Variants in DLG2 observed in about 807,000 individuals in gnomAD.
DLG2 encodes discs large MAGUK scaffold protein 2.
In DLG2, 45 loss-of-function variants were observed where a neutral mutation model predicts 132.5. The observed-to-expected ratio is 0.34, with a 90% CI of 0.27 to 0.44. DLG2 has a LOEUF of 0.44. Among genes scored for constraint, DLG2 ranks in the 20% least tolerant of loss-of-function variants. The pLI is 1.00. For missense variants in DLG2, 1,045 were observed against 1,196.9 expected (o/e 0.87, Z 1.87); for synonymous variants, 424 against 419.6 (o/e 1.01, Z -0.13).
At chr11:83,961,962 GA>G (rs1197394055) in intron 14 of DLG2, among the ~76,000 whole-genome samples, 1 of 151,982 alleles carries the variant, frequency 6.6e-6, no homozygotes, top group African/African-American at 2.4e-5. Flanking sequence ...AAAATAAATG[GA>G]AAATGCTTAA....
At chr11:84,320,027 T>C (rs543268316) in intron 7 of DLG2, among the ~76,000 whole-genome samples, 37 of 152,324 alleles carry the variant, frequency 2.4e-4, no homozygotes, top group South Asian at 8.3e-4. Flanking sequence ...CACTAATTAA[T>C]GGTAATCCAA....
chr11:84,821,800 T>G (rs545596365), intron 6 of DLG2, among the ~76,000 whole-genome samples: 1 of 151,888 alleles, frequency 6.6e-6, no homozygotes, highest in South Asian at 2.1e-4. Flanking sequence ...AAAAGCAAGA[T>G]AAATGATTTG....
At chr11:84,409,109 T>C (rs1601616319) in intron 7 of DLG2, among the ~76,000 whole-genome samples, 1 of 152,234 alleles carries the variant, frequency 6.6e-6, no homozygotes, top group Non-Finnish European at 1.5e-5. Context: ...TCTAGCAATA[T>C]TGAATTCCTT....
intron 3 of DLG2, among the ~76,000 whole-genome samples, chr11:85,362,194 C>T (rs1361235000): frequency 1.3e-5 from 2 of 152,104 alleles, no homozygotes; most frequent in Admixed American, 6.6e-5. Flanking sequence ...GGGCTCAAGC[C>T]GTTTCCCACC....
chr11:85,628,336 T>A (rs647987), upstream of DLG2, among the ~76,000 whole-genome samples: 132,176 of 152,318 alleles, frequency 0.87, 57,837 homozygotes, highest in East Asian at 1. Flanking sequence ...CGCGAAGAGA[T>A]CAGGGAGCTA....
chr11:84,949,619 C>G (rs2154101883), intron 6 of DLG2, among the ~76,000 whole-genome samples: 1 of 152,276 alleles, frequency 6.6e-6, no homozygotes, highest in South Asian at 2.1e-4. Flanking sequence ...AGCAATATTT[C>G]TCCCATTTGC....
At chr11:85,150,448 T>A (rs11602850) in intron 5 of DLG2, among the ~76,000 whole-genome samples, 1 of 152,158 alleles carries the variant, frequency 6.6e-6, no homozygotes, top group Non-Finnish European at 1.5e-5. Context: ...CATACCTAGA[T>A]GAGTTTTTCA....
At chr11:84,572,468 T>C (rs1181149424) in intron 6 of DLG2, among the ~76,000 whole-genome samples, 1 of 152,134 alleles carries the variant, frequency 6.6e-6, no homozygotes, top group African/African-American at 2.4e-5. Context: ...AGAGAATATG[T>C]GGAGCAGAGA....
chr11:84,471,203 C>A (rs1375494985), intron 7 of DLG2, among the ~76,000 whole-genome samples: 2 of 151,668 alleles, frequency 1.3e-5, no homozygotes, highest in East Asian at 2.0e-4. Context: ...AGACAAGAAG[C>A]CCCCTGAGCA....
At chr11:83,887,065 G>A (rs1450013635) in intron 15 of DLG2, among the ~76,000 whole-genome samples, 4 of 152,078 alleles carry the variant, frequency 2.6e-5, no homozygotes, top group Non-Finnish European at 5.9e-5. Context: ...AAACACATTT[G>A]AAAGCTAGCA....
intron 18 of DLG2, among the ~76,000 whole-genome samples, chr11:83,679,394 A>G (rs2078341378): frequency 6.6e-6 from 1 of 152,176 alleles, no homozygotes; most frequent in African/African-American, 2.4e-5. Context: ...GTGGAAAGCT[A>G]TGATATGTTA....
chr11:83,512,560 T>C (rs2095086678), intron 21 of DLG2, among the ~76,000 whole-genome samples: 1 of 152,154 alleles, frequency 6.6e-6, no homozygotes, highest in Non-Finnish European at 1.5e-5. Flanking sequence ...ACTTTAAGTT[T>C]TAGGGTACAT....
At chr11:84,868,187 A>G (rs1440323288) in intron 6 of DLG2, among the ~76,000 whole-genome samples, 1 of 148,730 alleles carries the variant, frequency 6.7e-6, no homozygotes, top group Non-Finnish European at 1.5e-5. Context: ...ATTGTTATGG[A>G]AGCATGTAAC....
At chr11:85,495,190 TG>T (rs2093643155) in intron 3 of DLG2, among the ~76,000 whole-genome samples, 2 of 152,164 alleles carry the variant, frequency 1.3e-5, no homozygotes, top group African/African-American at 2.4e-5. Context: ...ATAAACGTTT[TG>T]GCAAAAATGT....
intron 6 of DLG2, among the ~76,000 whole-genome samples, chr11:84,844,853 A>G (rs921377907): frequency 1.3e-5 from 2 of 152,182 alleles, no homozygotes; most frequent in African/African-American, 4.8e-5. Flanking sequence ...TTTTGGTTAT[A>G]TCATTTAATG....
chr11:83,897,613 G>C (rs556261637), intron 15 of DLG2, among the ~76,000 whole-genome samples: 16 of 152,226 alleles, frequency 1.1e-4, no homozygotes, highest in African/African-American at 3.4e-4. Flanking sequence ...TGATAAAGTG[G>C]AGGCTGAATT....
chr11:84,293,417 T>C (rs2098036762), intron 7 of DLG2, among the ~76,000 whole-genome samples: 3 of 152,188 alleles, frequency 2.0e-5, no homozygotes, highest in African/African-American at 7.2e-5. Flanking sequence ...CTCACGCCTG[T>C]AATCCCAGCA....
intron 6 of DLG2, among the ~76,000 whole-genome samples, chr11:84,854,201 T>C (rs1387482872): frequency 4.0e-5 from 6 of 150,810 alleles, no homozygotes; most frequent in Non-Finnish European, 8.9e-5. Context: ...CTTCTTAGAC[T>C]AACTTTCAGC....
intron 6 of DLG2, among the ~76,000 whole-genome samples, chr11:85,107,853 T>G (rs560721996): frequency 1.4e-5 from 2 of 141,420 alleles, no homozygotes; most frequent in African/African-American, 5.3e-5. Context: ...TCTAAATAAT[T>G]AACGGGGAGT....
Sources: allele counts gnomAD v4.1 joint callset (sites outside exome capture counted in the v4.1 genomes callset), GRCh38; gene constraint gnomAD v4.1.1; transcripts MANE v1.5; gene names NCBI Gene and HGNC (gene_info 2026-07-23, HGNC 2026-07-21).